KCTD8: variants seen among roughly 807,000 people sequenced by gnomAD.
KCTD8 encodes the protein BTB/POZ domain-containing protein KCTD8.
In KCTD8, 27 loss-of-function variants were observed where a neutral mutation model predicts 31.5. The observed-to-expected ratio is 0.86, with a 90% CI of 0.63 to 1.18. The LOEUF is 1.18. Among genes scored for constraint, KCTD8 ranks in the 50% most tolerant of loss-of-function variants. KCTD8 has a pLI of 0.00. For missense variants in KCTD8, 658 were observed against 647.7 expected, an observed-to-expected ratio of 1.02 and a Z score of -0.17; for synonymous variants, 290 against 280.0, an observed-to-expected ratio of 1.04 and a Z score of -0.36.
chr4:44,285,920 G>T (rs977139613), intron 1 of KCTD8, among the ~76,000 whole-genome samples: 3 of 151,750 alleles, frequency 2.0e-5, no homozygotes, highest in African/African-American at 7.3e-5. Context: ...CATGGGAGAA[G>T]AACAAAATAT....
intron 1 of KCTD8, among the ~76,000 whole-genome samples, chr4:44,279,477 CAG>C (rs1448047544): frequency 6.6e-6 from 1 of 152,084 alleles, no homozygotes; most frequent in African/African-American, 2.4e-5. Context: ...CTGCCCTCAG[CAG>C]AGAGAAAGAT....
chr4:44,200,766 T>G (rs1042567925), intron 1 of KCTD8, among the ~76,000 whole-genome samples: 1 of 152,072 alleles, frequency 6.6e-6, no homozygotes, highest in Admixed American at 6.6e-5. Flanking sequence ...ATGTCCATTC[T>G]CAACATTCCT....
chr4:44,448,663 C>A lies in KCTD8; in HGVS notation c.-140G>T. The A allele has an allele frequency of 2.1e-6, 2 of 949,888 alleles. No homozygotes were observed. Among genetic ancestry groups the A allele is most frequent in the Non-Finnish European group, 2.8e-6 (2 of 726,306 alleles). The allele number at this position is 949,888 out of a possible 1,614,324, so 58.8% of individuals were successfully genotyped here. A position where few individuals can be genotyped will look rare whatever the true frequency, so the allele number is the denominator to read the frequency against. On this transcript the variant is annotated 5_prime_UTR_variant, in exon 1 of 2. Transcript: ENST00000360029. The surrounding 1 kb of genome is among the most constrained non-coding windows in gnomAD (Gnocchi z 4.1). ...CGTTCCTCCGACCGGGGCGGCCCCG[C>A]TCAGGGTTCGGGGCAGCGGCGGCGT...
intron 1 of KCTD8, among the ~76,000 whole-genome samples, chr4:44,426,010 A>C (rs766383977): frequency 2.0e-5 from 3 of 151,850 alleles, no homozygotes; most frequent in Non-Finnish European, 4.4e-5. Flanking sequence ...GATAAATAAC[A>C]AGAGGAATTT....
In KCTD8 at chr4:44,272,467, G is replaced by T. The variant is rs143518735; in HGVS notation, c.962-97217C>A. On this transcript the variant is annotated intron_variant, in intron 1 of 1. Coordinates refer to ENST00000360029, the MANE Select transcript of KCTD8 (RefSeq NM_198353.3). ...AGGCACTTTATGAATTTGATGAACTGTAAACCATCAGATATTTAAAATATG... is the reference window on the plus strand; with the variant it reads ...AGGCACTTTATGAATTTGATGAACTTTAAACCATCAGATATTTAAAATATG... Among the ~76,000 whole-genome samples, 41 of 152,050 alleles carry T rather than the reference G, an allele frequency of 2.7e-4. 1 individual carries two copies. Among genetic ancestry groups the T allele is most frequent in the African/African-American group, 8.9e-4 (37 of 41,514 alleles).
intron 1 of KCTD8, among the ~76,000 whole-genome samples, chr4:44,270,776 G>T (rs1049638487): frequency 3.3e-5 from 5 of 152,058 alleles, no homozygotes; most frequent in Admixed American, 1.3e-4. Context: ...CGTTATTGAT[G>T]CTTATTTGTT....
At chr4:44,443,827 T>A (rs1007285765) in intron 1 of KCTD8, among the ~76,000 whole-genome samples, 8 of 152,222 alleles carry the variant, frequency 5.3e-5, no homozygotes, top group Admixed American at 1.3e-4. Context: ...ATTCCAGGCA[T>A]GTTATCTATA....
chr4:44,279,079 C>T (rs1716827396), intron 1 of KCTD8, among the ~76,000 whole-genome samples: 1 of 152,048 alleles, frequency 6.6e-6, no homozygotes. Context: ...GATAAATTGG[C>T]TATACCTTTA....
intron 1 of KCTD8, among the ~76,000 whole-genome samples, chr4:44,261,578 C>G (rs990070162): frequency 1.3e-5 from 2 of 151,678 alleles, no homozygotes; most frequent in African/African-American, 4.8e-5. Context: ...AAATTTTGAC[C>G]AACATTTCCA....
chr4:44,307,885 T>G (rs1029891644), intron 1 of KCTD8, among the ~76,000 whole-genome samples: 12 of 152,024 alleles, frequency 7.9e-5, no homozygotes, highest in African/African-American at 2.9e-4. Flanking sequence ...ACAAATATAG[T>G]GTACATATTC....
intron 1 of KCTD8, among the ~76,000 whole-genome samples, chr4:44,269,715 C>A (rs1355353476): frequency 2.0e-5 from 3 of 152,080 alleles, no homozygotes; most frequent in African/African-American, 7.2e-5. Flanking sequence ...ACAACCCCAT[C>A]AAAAAGTGGG....
chr4:44,384,537 A>T (rs533590892), intron 1 of KCTD8, among the ~76,000 whole-genome samples: 5 of 152,058 alleles, frequency 3.3e-5, no homozygotes, highest in Non-Finnish European at 4.4e-5. Context: ...CAGAAAGATA[A>T]ATATCACATG....
chr4:44,237,909 C>A (rs914394766), intron 1 of KCTD8, among the ~76,000 whole-genome samples: 13 of 152,088 alleles, frequency 8.5e-5, no homozygotes, highest in Admixed American at 4.6e-4. Context: ...TTTCAGTTTC[C>A]ATTAATGTGT....
At chr4:44,311,763 C>T (rs1054645072) in intron 1 of KCTD8, among the ~76,000 whole-genome samples, 7 of 151,630 alleles carry the variant, frequency 4.6e-5, no homozygotes, top group Non-Finnish European at 1.0e-4. Flanking sequence ...TTATTTGTAA[C>T]TCTCAACTCC....
chr4:44,267,642 C>G (rs149931735), intron 1 of KCTD8, among the ~76,000 whole-genome samples: 1 of 151,712 alleles, frequency 6.6e-6, no homozygotes, highest in Admixed American at 6.6e-5. Flanking sequence ...ATTGATAGAC[C>G]GCTAGCAAGA....
In KCTD8 at chr4:44,419,527, A is replaced by T. The variant is rs551245627; in HGVS notation, c.961+28036T>A. On this transcript the variant is annotated intron_variant, in intron 1 of 1. Transcript: ENST00000360029. Reference sequence around the variant, plus strand: ...GTGCCACATTTATGCAGCCATATAAAAGGATGAGTTCATGTCCTTTGAAGG... The same window carrying T: ...GTGCCACATTTATGCAGCCATATAATAGGATGAGTTCATGTCCTTTGAAGG... 7.9e-5 allele frequency among the ~76,000 whole-genome samples: 12 copies of T among 152,296 alleles called. No individual in the cohort carries two copies. In the South Asian group the frequency reaches 2.5e-3, roughly 32 times the overall value.
intron 1 of KCTD8, among the ~76,000 whole-genome samples, chr4:44,346,787 T>C (rs1475136578): frequency 6.6e-6 from 1 of 152,290 alleles, no homozygotes; most frequent in East Asian, 1.9e-4. Context: ...ATTACGTATA[T>C]ATGTTTTAGT....
Position 44,374,746 on chromosome 4 carries a change from C to T in KCTD8, c.961+72817G>A, listed in dbSNP as rs532022306. ...GGTGGAGCAGTCAGAACACATATAACATTAATCAATTAAGTTTGCCATCTT... is the reference window on the plus strand; with the variant it reads ...GGTGGAGCAGTCAGAACACATATAATATTAATCAATTAAGTTTGCCATCTT... On this transcript the variant is annotated intron_variant, in intron 1 of 1. Coordinates refer to ENST00000360029, the MANE Select transcript of KCTD8 (RefSeq NM_198353.3). Among the ~76,000 whole-genome samples the T allele has an allele frequency of 2.6e-5, 4 of 152,258 alleles. No individual in the cohort carries two copies. The Middle Eastern group carries it at 0.01, about 388-fold the overall frequency.
intron 1 of KCTD8, among the ~76,000 whole-genome samples, chr4:44,284,663 C>T (rs1319918549): frequency 6.6e-6 from 1 of 152,156 alleles, no homozygotes; most frequent in Non-Finnish European, 1.5e-5. Context: ...GCAAAAGAAA[C>T]TATCATCAGA....
Sources: allele counts gnomAD v4.1 joint callset (sites outside exome capture counted in the v4.1 genomes callset), GRCh38; gene constraint gnomAD v4.1.1; non-coding constraint Gnocchi (gnomAD v3.1); transcripts MANE v1.5; gene names NCBI Gene and HGNC (gene_info 2026-07-23, HGNC 2026-07-21).